GPLD1: variants seen among roughly 807,000 people sequenced by gnomAD.
GPLD1 encodes glycosylphosphatidylinositol specific phospholipase D1, also known as phosphatidylinositol-glycan-specific phospholipase D.
GPLD1 carries 84 observed loss-of-function variants against 112.6 expected under a neutral mutation model. That is an observed-to-expected ratio of 0.75 (90% confidence interval 0.63 to 0.89). GPLD1 has a LOEUF of 0.89. Ranked by LOEUF, GPLD1 falls within the 40% of genes least tolerant of loss-of-function variation. The pLI, the probability that GPLD1 is intolerant of heterozygous loss-of-function variation, is 0.00. For missense variants in GPLD1, 1,044 were observed against 1,051.5 expected (o/e 0.99, Z 0.10); for synonymous variants, 386 against 403.8 (o/e 0.96, Z 0.53).
At chr6:24,494,631 G>A (rs1351048220) in intron 1 of GPLD1, among the ~76,000 whole-genome samples, 1 of 152,148 alleles carries the variant, frequency 6.6e-6, no homozygotes, top group East Asian at 1.9e-4. Context: ...CTCTAGCAGC[G>A]ATTGGGGGCT....
chr6:24,433,408 G>A lies in GPLD1; in HGVS notation c.2359-19C>T, dbSNP rs1481601374. On this transcript the variant is annotated intron_variant, in intron 22 of 24. Coordinates refer to ENST00000230036, the MANE Select transcript of GPLD1 (RefSeq NM_001503.4). ...ATTGGGCCTGAAGAAAAAAATTGAGGAGAGAGACAATGTTATTACTGTTTG... is the reference window on the plus strand; with the variant it reads ...ATTGGGCCTGAAGAAAAAAATTGAGAAGAGAGACAATGTTATTACTGTTTG... 2 of 1,578,006 alleles carry A rather than the reference G, an allele frequency of 1.3e-6. No individual in the cohort carries two copies. The highest frequency in any genetic ancestry group is 2.7e-5 in the African/African-American group (2 of 74,022).
Position 24,446,985 on chromosome 6 carries a change from G to C in GPLD1, c.1679-6C>G. 1.2e-6 allele frequency: 2 copies of C among 1,612,368 alleles called. No homozygotes were observed. Among genetic ancestry groups the C allele is most frequent in the Non-Finnish European group, 1.7e-6 (2 of 1,179,006 alleles). ...TGCCTCCACGTTCAGTTTTTCTAAA[G>C]AAGACAACTCATCCTTTTTACTAAT... On this transcript the variant is annotated splice_polypyrimidine_tract_variant and splice_region_variant and intron_variant, in intron 17 of 24. Transcript: ENST00000230036.
At chr6:24,485,723 G>C (rs568081428) in intron 2 of GPLD1, among the ~76,000 whole-genome samples, 1 of 148,722 alleles carries the variant, frequency 6.7e-6, no homozygotes, top group African/African-American at 2.5e-5. Flanking sequence ...AGGCTGAAGT[G>C]CAGTGGTGCA....
At chr6:24,468,456 A>C (rs989498517) in intron 7 of GPLD1, among the ~76,000 whole-genome samples, 26 of 152,228 alleles carry the variant, frequency 1.7e-4, no homozygotes, top group African/African-American at 3.6e-4. Flanking sequence ...GAAATTCGGA[A>C]GGATGTCTCA....
exon 1 of GPLD1, chr6:24,495,188 C>A: frequency 6.6e-7 from 1 of 1,503,862 alleles, no homozygotes; most frequent in Non-Finnish European, 8.8e-7. Flanking sequence ...CCGACAGCTT[C>A]GTGGGCGGCC....
intron 14 of GPLD1, among the ~76,000 whole-genome samples, chr6:24,452,311 AATTT>A (rs1763118088): frequency 6.6e-6 from 1 of 152,112 alleles, no homozygotes; most frequent in African/African-American, 2.4e-5. Flanking sequence ...AGATTAGATA[AATTT>A]ATTTTGGAAA....
chr6:24,452,085 C>T lies in GPLD1; in HGVS notation c.1335+1930G>A, dbSNP rs1197953724. On this transcript the variant is annotated intron_variant, in intron 14 of 24. Coordinates refer to ENST00000230036, the MANE Select transcript of GPLD1 (RefSeq NM_001503.4). ...TGAGGGCAGGATTTCCATCCTTCGT[C>T]CATGCCTTTATCTTGCCATCTTTGA... 2.6e-5 allele frequency among the ~76,000 whole-genome samples: 4 copies of T among 152,314 alleles called. No individual in the cohort carries two copies. The East Asian group carries it at 7.7e-4, about 29-fold the overall frequency.
At chr6:24,494,283 C>A (rs573585440), upstream of GPLD1, among the ~76,000 whole-genome samples, 1 of 152,260 alleles carries the variant, frequency 6.6e-6, no homozygotes, top group South Asian at 2.1e-4. Flanking sequence ...TTATAAGTGA[C>A]TGGACTAAGG....
At chr6:24,483,855 T>A (rs138510925) in intron 2 of GPLD1, among the ~76,000 whole-genome samples, 2,247 of 151,654 alleles carry the variant, frequency 0.015, 30 homozygotes, top group South Asian at 0.038. Context: ...GCGATTCTCC[T>A]GCCTCAGCCT....
At chr6:24,466,006 T>C (rs1455476703) in intron 10 of GPLD1, among the ~76,000 whole-genome samples, 1 of 152,190 alleles carries the variant, frequency 6.6e-6, no homozygotes, top group Non-Finnish European at 1.5e-5. Flanking sequence ...CTCTGGGACC[T>C]GTGGAGACCT....
intron 14 of GPLD1, among the ~76,000 whole-genome samples, chr6:24,452,448 C>T (rs1186542551): frequency 6.6e-6 from 1 of 152,182 alleles, no homozygotes. Flanking sequence ...AGAGCCTAAA[C>T]TAGATCATAA....
intron 3 of GPLD1, among the ~76,000 whole-genome samples, chr6:24,477,737 T>A (rs923135680): frequency 7.3e-6 from 1 of 137,588 alleles, no homozygotes; most frequent in Admixed American, 7.1e-5. Context: ...CTCTAAAAAA[T>A]GTAAAAATAA....
At position 24,464,784 on chromosome 6, in the gene GPLD1, G is replaced by C. The variant is rs150206489; in HGVS notation, c.821+1896C>G. Among the ~76,000 whole-genome samples, 896 of 152,274 alleles carry C rather than the reference G, an allele frequency of 5.9e-3. 8 individuals are homozygous for C. The highest frequency in any genetic ancestry group is 0.018 in the African/African-American group (767 of 41,556). The stretch of plus-strand genomic sequence containing the variant: ...GCTGGTGGTACAGCCTAAGCTTCCC[G>C]CTCTGCCCTTTCCCCGATTCGGGGG... On this transcript the variant is annotated intron_variant, in intron 10 of 24. Coordinates refer to ENST00000230036, the MANE Select transcript of GPLD1 (RefSeq NM_001503.4).
At chr6:24,460,217 C>A in intron 12 of GPLD1, 62 bp downstream of exon 12, 2 of 1,587,576 alleles carry the variant, frequency 1.3e-6, no homozygotes, top group Non-Finnish European at 1.7e-6. Context: ...AGGGACTCAG[C>A]GAAACAAGGT....
At chr6:24,438,245 A>G (rs941286882) in intron 20 of GPLD1, among the ~76,000 whole-genome samples, 28 of 152,264 alleles carry the variant, frequency 1.8e-4, no homozygotes, top group African/African-American at 6.8e-4. Context: ...TTGGTTCTGT[A>G]CAAGTATTCA....
chr6:24,482,297 T>C (rs140726868), intron 2 of GPLD1, among the ~76,000 whole-genome samples: 405 of 149,168 alleles, frequency 2.7e-3, no homozygotes, highest in African/African-American at 7.6e-3. Context: ...TTTTTCTTTT[T>C]TGAGACAGAA....
rs377186498 is a variant in GPLD1 at position 24,425,891 on chromosome 6, T to C, written c.*3141A>G. The C allele has an allele frequency of 1.5e-4, 23 of 152,230 alleles. No individual in the cohort carries two copies. Among genetic ancestry groups the C allele is most frequent in the African/African-American group, 4.8e-4 (20 of 41,456 alleles). 9.4% of individuals were successfully genotyped at this position (152,230 alleles called of 1,614,324 possible). A position where few individuals can be genotyped will look rare whatever the true frequency, so the allele number is the denominator to read the frequency against. Reference sequence around the variant, plus strand: ...ATTCCAAGAGTTGTATACAGCTTTATTTTTTGGAATTGCAATATTAAAGTT... The same window carrying C: ...ATTCCAAGAGTTGTATACAGCTTTACTTTTTGGAATTGCAATATTAAAGTT... On this transcript the variant is annotated 3_prime_UTR_variant, in exon 25 of 25. Coordinates refer to ENST00000230036, the MANE Select transcript of GPLD1 (RefSeq NM_001503.4).
At chr6:24,464,209 A>G (rs907333812) in intron 10 of GPLD1, among the ~76,000 whole-genome samples, 1 of 152,208 alleles carries the variant, frequency 6.6e-6, no homozygotes, top group Admixed American at 6.5e-5. Context: ...AACCCTTTAC[A>G]TGACTGATCT....
At chr6:24,489,682 C>A (rs1472794068), upstream of GPLD1, 5 of 1,129,270 alleles carry the variant, frequency 4.4e-6, no homozygotes, top group Non-Finnish European at 6.1e-6. Flanking sequence ...AGTCAACTGT[C>A]CAACTACTGT....
Sources: gnomAD v4.1 joint callset for allele counts (sites outside exome capture counted in the v4.1 genomes callset) on GRCh38, gnomAD v4.1.1 for gene constraint, MANE v1.5 for transcripts, NCBI Gene and HGNC (gene_info 2026-07-23, HGNC 2026-07-21) for gene names.